Variants in RAPGEF6 observed in about 807,000 individuals in gnomAD.
RAPGEF6 encodes the protein Rap guanine nucleotide exchange factor 6.
In RAPGEF6, 56 loss-of-function variants were observed where a neutral mutation model predicts 171.4. The observed-to-expected ratio is 0.33, with a 90% confidence interval of 0.26 to 0.41. RAPGEF6 has a LOEUF of 0.41. RAPGEF6 is among the 10% of genes least tolerant of loss of function. The pLI is 1.00. For missense variants in RAPGEF6, 1,674 were observed against 1,921.4 expected (o/e 0.87, Z 2.41); for synonymous variants, 692 against 650.1 (o/e 1.06, Z -0.98).
intron 4 of RAPGEF6, among the ~76,000 whole-genome samples, chr5:131,583,775 T>C (rs956599374): frequency 6.6e-6 from 1 of 152,224 alleles, no homozygotes; most frequent in Non-Finnish European, 1.5e-5. Flanking sequence ...TTATTCATAC[T>C]GGCTCAGAAT....
At chr5:131,436,106 G>T in intron 24 of RAPGEF6, 2 of 1,537,940 alleles carry the variant, frequency 1.3e-6, no homozygotes, top group Non-Finnish European at 1.7e-6. Context: ...TCTGTAGCTT[G>T]ATTGTGATCT....
chr5:131,600,916 G>T (rs1377333652), intron 3 of RAPGEF6, among the ~76,000 whole-genome samples: 1 of 151,734 alleles, frequency 6.6e-6, no homozygotes, highest in African/African-American at 2.4e-5. Flanking sequence ...TAATCACAAG[G>T]GGACAAGTTG....
chr5:131,579,888 GTGC>G (rs1762836481), intron 4 of RAPGEF6, among the ~76,000 whole-genome samples: 1 of 152,140 alleles, frequency 6.6e-6, no homozygotes. Context: ...TAGACACAGA[GTGC>G]TGATTGGTAC....
rs564720188 is a variant in RAPGEF6 at position 131,508,173 on chromosome 5, T to C, written c.840A>G (p.Ala280=). 13 of 1,612,776 alleles carry C rather than the reference T, an allele frequency of 8.1e-6. No homozygotes were observed. The East Asian group carries it at 2.7e-4, about 33-fold the overall frequency. The change falls in exon 9 of 28, where the codon GCA becomes GCG. Residue 280 remains alanine (A), a synonymous_variant. Transcript: ENST00000509018. ...QLLEFMHQLP[A]FANMTMSVRR... is the part of the protein sequence containing the mutation. Reference sequence around the variant, plus strand: ...TTACAGACATGGTCATGTTTGCAAATGCAGGGAGCTGGTGCATAAACTCCA... The same window carrying C: ...TTACAGACATGGTCATGTTTGCAAACGCAGGGAGCTGGTGCATAAACTCCA...
chr5:131,445,493 C>CTTGTGTGTGTGTG, intron 22 of RAPGEF6, among the ~76,000 whole-genome samples: 1 of 147,334 alleles, frequency 6.8e-6, no homozygotes, highest in African/African-American at 2.5e-5. Context: ...AACTCACTCT[C>CTTGTGTGTGTGTG]TGTGTGTGTG....
chr5:131,436,466 C>T (rs1423801912), intron 24 of RAPGEF6: 8 of 1,217,658 alleles, frequency 6.6e-6, no homozygotes, highest in Non-Finnish European at 7.8e-6. Context: ...AAAATTCTAA[C>T]ATCTTGATAA....
chr5:131,521,561 C>G, intron 6 of RAPGEF6, 40 bp from the exon 7 acceptor site: 1 of 1,568,286 alleles, frequency 6.4e-7, no homozygotes. Context: ...AAATGTCAAG[C>G]TTTACCTTTT....
intron 6 of RAPGEF6, among the ~76,000 whole-genome samples, chr5:131,542,257 T>C (rs1328291973): frequency 1.3e-5 from 2 of 152,196 alleles, no homozygotes; most frequent in Non-Finnish European, 2.9e-5. Context: ...TTGTAAGCAA[T>C]AGGAACAAAG....
chr5:131,603,170 T>C (rs1228526976), intron 3 of RAPGEF6, 101 bp downstream of exon 3: 16 of 848,112 alleles, frequency 1.9e-5, no homozygotes, highest in Non-Finnish European at 3.1e-5. Context: ...TTTTTCAGTG[T>C]GCTCTACATA....
chr5:131,498,667 C>T, intron 11 of RAPGEF6, 60 bp from the exon 12 acceptor site: 1 of 1,486,884 alleles, frequency 6.7e-7, no homozygotes, highest in Non-Finnish European at 9.3e-7. Context: ...AACCAAAGAA[C>T]TATTGTTGAT....
chr5:131,457,706 GT>G (rs1331366914), intron 19 of RAPGEF6, among the ~76,000 whole-genome samples: 1 of 152,094 alleles, frequency 6.6e-6, no homozygotes, highest in East Asian at 1.9e-4. Flanking sequence ...GTATCCACAA[GT>G]TCCTCAGGGT....
intron 5 of RAPGEF6, among the ~76,000 whole-genome samples, chr5:131,557,925 A>T (rs1177749120): frequency 2.0e-5 from 3 of 152,166 alleles, no homozygotes; most frequent in Non-Finnish European, 4.4e-5. Context: ...TAAGATTTTT[A>T]CATTTATTTT....
At chr5:131,615,859 C>T (rs149865670) in intron 1 of RAPGEF6, among the ~76,000 whole-genome samples, 73 of 151,712 alleles carry the variant, frequency 4.8e-4, no homozygotes, top group African/African-American at 1.6e-3. Flanking sequence ...GGAGATCACA[C>T]CACTGTACTC....
intron 4 of RAPGEF6, among the ~76,000 whole-genome samples, chr5:131,581,888 C>T (rs1425519625): frequency 6.6e-6 from 1 of 152,142 alleles, no homozygotes; most frequent in Non-Finnish European, 1.5e-5. Context: ...ACAATACACC[C>T]TCCCTGCCCT....
chr5:131,579,274 G>C (rs1762787236), intron 4 of RAPGEF6, among the ~76,000 whole-genome samples: 1 of 152,196 alleles, frequency 6.6e-6, no homozygotes, highest in African/African-American at 2.4e-5. Context: ...CATAAAGGCA[G>C]TATGGACCCA....
intron 12 of RAPGEF6, among the ~76,000 whole-genome samples, chr5:131,496,293 G>A (rs1374148187): frequency 1.3e-5 from 2 of 152,144 alleles, no homozygotes; most frequent in Non-Finnish European, 2.9e-5. Context: ...AAAAATTAAC[G>A]AATGTAAGCT....
intron 11 of RAPGEF6, among the ~76,000 whole-genome samples, chr5:131,500,629 C>T (rs1278658486): frequency 6.6e-6 from 1 of 152,156 alleles, no homozygotes; most frequent in Admixed American, 6.5e-5. Flanking sequence ...TTTTATATAG[C>T]ACATGCATAT....
chr5:131,482,413 C>T (rs897140191), intron 15 of RAPGEF6, among the ~76,000 whole-genome samples: 3 of 152,070 alleles, frequency 2.0e-5, no homozygotes, highest in African/African-American at 7.2e-5. Flanking sequence ...TCTGATCCTC[C>T]CACTTCTGCC....
intron 4 of RAPGEF6, among the ~76,000 whole-genome samples, chr5:131,589,482 TTTGTC>T (rs1449782226): frequency 1.3e-5 from 2 of 152,170 alleles, no homozygotes; most frequent in Non-Finnish European, 2.9e-5. Context: ...AAAGGATAGT[TTTGTC>T]TTGTTACGTA....
Sources: allele counts gnomAD v4.1 joint callset (sites outside exome capture counted in the v4.1 genomes callset), GRCh38; gene constraint gnomAD v4.1.1; transcripts MANE v1.5; gene names NCBI Gene and HGNC (gene_info 2026-07-23, HGNC 2026-07-21).